The following KCNIP4 variants were observed in gnomAD, a reference collection of about 807,000 sequenced individuals.
The protein encoded by KCNIP4 is Kv channel-interacting protein 4.
Under a neutral mutation model 34.0 loss-of-function variants are expected in KCNIP4, and 12 were observed. That is an observed-to-expected ratio of 0.35 (90% confidence interval 0.23 to 0.57). KCNIP4 has a LOEUF of 0.57. KCNIP4 is among the 20% of genes least tolerant of loss of function. The pLI is 0.83. For synonymous variants in KCNIP4, 124 were observed against 102.2 expected (o/e 1.21, Z -1.29); for missense variants, 238 against 311.7 (o/e 0.76, Z 1.78).
chr4:21,073,020 C>T (rs1385123018), intron 1 of KCNIP4, among the ~76,000 whole-genome samples: 1 of 152,162 alleles, frequency 6.6e-6, no homozygotes, highest in Non-Finnish European at 1.5e-5. Flanking sequence ...TGTTTTGGTA[C>T]AAGTGCCATG....
At chr4:21,019,727 TA>T (rs562788723) in intron 1 of KCNIP4, among the ~76,000 whole-genome samples, 37 of 152,084 alleles carry the variant, frequency 2.4e-4, no homozygotes, top group Non-Finnish European at 4.0e-4. Flanking sequence ...CAATCGTCAT[TA>T]AAAAAAATCC....
rs16870566 is a variant in KCNIP4, at chr4:21,187,557, C to T, written c.62-304848G>A. On this transcript the variant is annotated intron_variant, in intron 1 of 8. Transcript: ENST00000382152. ...CCTCTGCTAGGAACAGAGGGAAATGCGTGAAAAGGTTAATGGGGTTTTGAT... is the reference window on the plus strand; with the variant it reads ...CCTCTGCTAGGAACAGAGGGAAATGTGTGAAAAGGTTAATGGGGTTTTGAT... Among the ~76,000 whole-genome samples, 756 of 152,170 alleles carry T rather than the reference C, an allele frequency of 5.0e-3. 3 individuals are homozygous for T. The highest frequency in any genetic ancestry group is 0.016 in the African/African-American group (645 of 41,518).
intron 1 of KCNIP4, among the ~76,000 whole-genome samples, chr4:21,091,347 A>C (rs142854712): frequency 6.6e-6 from 1 of 152,206 alleles, no homozygotes; most frequent in African/African-American, 2.4e-5. Flanking sequence ...CAGTAGACAT[A>C]TGTACAAATA....
At chr4:20,822,411 CA>C (rs1188277097) in intron 3 of KCNIP4, among the ~76,000 whole-genome samples, 1 of 152,050 alleles carries the variant, frequency 6.6e-6, no homozygotes, top group Non-Finnish European at 1.5e-5. Flanking sequence ...ATTAAGAAGT[CA>C]AAAAACAATA....
chr4:21,010,791 A>G (rs978036484), intron 1 of KCNIP4, among the ~76,000 whole-genome samples: 3 of 152,212 alleles, frequency 2.0e-5, no homozygotes, highest in African/African-American at 7.2e-5. Context: ...TATATTTGAA[A>G]GCCTAAGTAA....
At chr4:21,138,423 T>C (rs2109199365) in intron 1 of KCNIP4, among the ~76,000 whole-genome samples, 1 of 152,310 alleles carries the variant, frequency 6.6e-6, no homozygotes, top group South Asian at 2.1e-4. Flanking sequence ...GAGCATGCCA[T>C]CATTCTTGTT....
chr4:20,916,782 G>A (rs1728854536), intron 1 of KCNIP4, among the ~76,000 whole-genome samples: 1 of 151,026 alleles, frequency 6.6e-6, no homozygotes, highest in Non-Finnish European at 1.5e-5. Context: ...CAACAGTTAA[G>A]CCAAACCCAT....
chr4:21,644,446 G>A (rs1005598006), intron 1 of KCNIP4, among the ~76,000 whole-genome samples: 2 of 152,274 alleles, frequency 1.3e-5, no homozygotes, highest in Admixed American at 1.3e-4. Context: ...GATCCAAATT[G>A]TAGACAAATT....
At chr4:20,839,489 C>A (rs886137718) in intron 3 of KCNIP4, among the ~76,000 whole-genome samples, 10 of 97,346 alleles carry the variant, frequency 1.0e-4, no homozygotes, top group Non-Finnish European at 1.9e-4. Context: ...ATGTATATAT[C>A]TATATTATAT....
At chr4:21,717,945 T>C (rs1681523759) in intron 1 of KCNIP4, among the ~76,000 whole-genome samples, 2 of 152,210 alleles carry the variant, frequency 1.3e-5, no homozygotes, top group Admixed American at 6.5e-5. Context: ...CCTGGCATCT[T>C]TTTGACTTCT....
intron 1 of KCNIP4, among the ~76,000 whole-genome samples, chr4:21,187,410 C>T (rs1411808662): frequency 6.6e-6 from 1 of 152,156 alleles, no homozygotes; most frequent in Non-Finnish European, 1.5e-5. Flanking sequence ...ACATTCCAAA[C>T]ACTGCGGCAA....
intron 1 of KCNIP4, among the ~76,000 whole-genome samples, chr4:21,512,509 G>C (rs1026936224): frequency 2.6e-5 from 4 of 152,000 alleles, no homozygotes; most frequent in Admixed American, 1.3e-4. Context: ...AAAAATCTAA[G>C]AAACTTATGT....
intron 1 of KCNIP4, among the ~76,000 whole-genome samples, chr4:21,253,918 C>T (rs1760887780): frequency 6.6e-6 from 1 of 151,974 alleles, no homozygotes; most frequent in South Asian, 2.1e-4. Flanking sequence ...ACCTCAAAAA[C>T]ATCACACTAA....
chr4:21,450,482 C>G (rs1728430234), intron 1 of KCNIP4, among the ~76,000 whole-genome samples: 1 of 151,950 alleles, frequency 6.6e-6, no homozygotes, highest in African/African-American at 2.4e-5. Context: ...AGGTAAATAT[C>G]TTGAGATAAG....
At chr4:20,896,977 A>T (rs1339480020) in intron 1 of KCNIP4, among the ~76,000 whole-genome samples, 1 of 152,016 alleles carries the variant, frequency 6.6e-6, no homozygotes, top group Admixed American at 6.6e-5. Flanking sequence ...ATCCCAGGCA[A>T]ATTAGTCCAC....
intron 1 of KCNIP4, among the ~76,000 whole-genome samples, chr4:21,199,136 A>G (rs1346287430): frequency 6.6e-6 from 1 of 152,206 alleles, no homozygotes; most frequent in Non-Finnish European, 1.5e-5. Context: ...GAGATCCTTG[A>G]GGAATCGCCA....
chr4:21,524,818 T>C lies in KCNIP4; in HGVS notation c.61+423753A>G, dbSNP rs374265872. 8.5e-5 allele frequency among the ~76,000 whole-genome samples: 13 copies of C among 152,252 alleles called. No individual in the cohort carries two copies. In the South Asian group the frequency reaches 2.5e-3, roughly 29 times the overall value. ...GATTTTTTTTTTATTTTTTGCATCA[T>C]GCGTAGTGCCTTGCACATAACAGGA... On this transcript the variant is annotated intron_variant, in intron 1 of 8. Coordinates refer to ENST00000382152, the MANE Select transcript of KCNIP4 (RefSeq NM_025221.6).
chr4:21,905,330 T>A (rs896956569), intron 1 of KCNIP4, among the ~76,000 whole-genome samples: 1 of 152,164 alleles, frequency 6.6e-6, no homozygotes, highest in Non-Finnish European at 1.5e-5. Flanking sequence ...ATAGCTCAAC[T>A]CTGCATTGAG....
At chr4:21,600,238 G>C (rs947284799) in intron 1 of KCNIP4, among the ~76,000 whole-genome samples, 2 of 152,056 alleles carry the variant, frequency 1.3e-5, no homozygotes, top group Non-Finnish European at 2.9e-5. Flanking sequence ...ACTTGTAACA[G>C]TCTCTTGTAT....
Sources: allele counts gnomAD v4.1 joint callset (sites outside exome capture counted in the v4.1 genomes callset), GRCh38; gene constraint gnomAD v4.1.1; transcripts MANE v1.5; gene names NCBI Gene and HGNC (gene_info 2026-07-23, HGNC 2026-07-21).